The following DPYD variants were observed in gnomAD, a reference collection of about 807,000 sequenced individuals.
DPYD encodes dihydropyrimidine dehydrogenase, also known as dihydropyrimidine dehydrogenase [NADP(+)].
Under a neutral mutation model 116.2 loss-of-function variants are expected in DPYD, and 109 were observed. That is an observed-to-expected ratio of 0.94 (90% confidence interval 0.80 to 1.10). The LOEUF (loss-of-function observed/expected upper bound fraction) is 1.10, where lower values mean the gene tolerates loss of function less well. DPYD is among the 50% of genes least tolerant of loss of function. The probability of loss-of-function intolerance (pLI) is 0.00; values close to 1 mark genes in which losing one functional copy is unlikely to be tolerated. For synonymous variants in DPYD, 440 were observed against 432.0 expected, an observed-to-expected ratio of 1.02 and a Z score of -0.23; for missense variants, 1,302 against 1,254.5, an observed-to-expected ratio of 1.04 and a Z score of -0.57.
At chr1:97,883,124 T>G (rs1300694183) in intron 2 of DPYD, 140 bp downstream of exon 2, 2 of 602,978 alleles carry the variant, frequency 3.3e-6, no homozygotes, top group African/African-American at 3.7e-5. Flanking sequence ...TCAAACTTTT[T>G]CAAATATTAA....
At chr1:97,357,559 C>T (rs78154493) in intron 16 of DPYD, among the ~76,000 whole-genome samples, 71 of 152,238 alleles carry the variant, frequency 4.7e-4, no homozygotes, top group Middle Eastern at 3.4e-3. Context: ...AACAGACTTA[C>T]GGGATACAAA....
At chr1:97,264,602 C>T (rs1664111930) in intron 18 of DPYD, among the ~76,000 whole-genome samples, 1 of 152,088 alleles carries the variant, frequency 6.6e-6, no homozygotes, top group Non-Finnish European at 1.5e-5. Context: ...TCCCTAAATC[C>T]TATTTTAACT....
At chr1:97,571,878 T>C (rs1357681184) in intron 11 of DPYD, among the ~76,000 whole-genome samples, 1 of 151,952 alleles carries the variant, frequency 6.6e-6, no homozygotes, top group Non-Finnish European at 1.5e-5. Context: ...TGTGACTCCT[T>C]TATTTAATGT....
chr1:97,906,791 A>T (rs554021805), intron 1 of DPYD, among the ~76,000 whole-genome samples: 1 of 152,156 alleles, frequency 6.6e-6, no homozygotes, highest in East Asian at 1.9e-4. Flanking sequence ...TTCCTTCTTC[A>T]CAGCTTCAGG....
At chr1:97,397,969 A>G (rs769507833) in intron 14 of DPYD, among the ~76,000 whole-genome samples, 83 of 151,754 alleles carry the variant, frequency 5.5e-4, no homozygotes, top group Non-Finnish European at 9.3e-4. Context: ...ATTATACTTT[A>G]AGTTTTAGGA....
chr1:97,906,405 T>C (rs1673623151), intron 1 of DPYD, among the ~76,000 whole-genome samples: 1 of 152,066 alleles, frequency 6.6e-6, no homozygotes, highest in South Asian at 2.1e-4. Flanking sequence ...TAATTATTGG[T>C]GAAATTGCCT....
chr1:97,261,493 C>CTT lies in DPYD; in HGVS notation c.2300-26501_2300-26500dup, dbSNP rs1210765677. The stretch of plus-strand genomic sequence containing the variant: ...GAGAAAATGATAAAAGACTATGCAT[C>CTT]TTTTTTTTTTTTTTTTTTTTTTTAA... On this transcript the variant is annotated intron_variant, in intron 18 of 22. Coordinates refer to ENST00000370192, the MANE Select transcript of DPYD (RefSeq NM_000110.4). 6.0e-3 allele frequency among the ~76,000 whole-genome samples: 729 copies of CTT among 122,434 alleles called. 7 individuals are homozygous for CTT. Among genetic ancestry groups the CTT allele is most frequent in the African/African-American group, 0.02 (608 of 31,094 alleles). The allele number at this position is 122,434 out of a possible 152,430, so 80.3% of individuals were successfully genotyped here.
chr1:97,711,635 A>T (rs757299196), intron 5 of DPYD, among the ~76,000 whole-genome samples: 1 of 152,028 alleles, frequency 6.6e-6, no homozygotes, highest in Non-Finnish European at 1.5e-5. Flanking sequence ...GGCTCAGAAA[A>T]GTATAGATTT....
At chr1:97,663,699 A>C (rs929634147) in intron 8 of DPYD, among the ~76,000 whole-genome samples, 5 of 152,160 alleles carry the variant, frequency 3.3e-5, no homozygotes, top group Non-Finnish European at 7.4e-5. Context: ...ATAACTAAAC[A>C]CATTTGCATT....
At chr1:97,752,611 T>C (rs1664994603) in intron 3 of DPYD, among the ~76,000 whole-genome samples, 1 of 152,178 alleles carries the variant, frequency 6.6e-6, no homozygotes, top group Non-Finnish European at 1.5e-5. Context: ...TGCTCATAGT[T>C]CCATGTGTAG....
intron 20 of DPYD, among the ~76,000 whole-genome samples, chr1:97,161,895 A>G (rs978103831): frequency 2.6e-5 from 4 of 152,056 alleles, no homozygotes; most frequent in African/African-American, 9.7e-5. Flanking sequence ...TACAAAGGAC[A>G]TGAACTCACC....
intron 3 of DPYD, among the ~76,000 whole-genome samples, chr1:97,820,574 G>A (rs928447387): frequency 3.3e-5 from 5 of 152,124 alleles, no homozygotes; most frequent in African/African-American, 7.2e-5. Flanking sequence ...TGTTTATGAT[G>A]CACCTACAAA....
chr1:97,509,142 T>C (rs1427002074), intron 13 of DPYD, among the ~76,000 whole-genome samples: 1 of 152,002 alleles, frequency 6.6e-6, no homozygotes, highest in Non-Finnish European at 1.5e-5. Flanking sequence ...TCAACCCAGC[T>C]GAGCCTTGGC....
intron 14 of DPYD, among the ~76,000 whole-genome samples, chr1:97,413,588 C>A (rs1364208845): frequency 6.6e-6 from 1 of 152,024 alleles, no homozygotes; most frequent in East Asian, 1.9e-4. Flanking sequence ...TTCAGCCTCC[C>A]AAGTAGCTGG....
chr1:97,627,913 G>A (rs2100786209), intron 8 of DPYD, among the ~76,000 whole-genome samples: 1 of 152,056 alleles, frequency 6.6e-6, no homozygotes, highest in East Asian at 1.9e-4. Flanking sequence ...AGGGCCTTTT[G>A]AGCCATGCTA....
intron 16 of DPYD, among the ~76,000 whole-genome samples, chr1:97,349,055 T>C (rs1669998464): frequency 6.6e-6 from 1 of 152,200 alleles, no homozygotes; most frequent in Non-Finnish European, 1.5e-5. Context: ...TACAGTCCTG[T>C]AGTACAGAAA....
intron 14 of DPYD, among the ~76,000 whole-genome samples, chr1:97,439,199 A>G (rs1199510176): frequency 6.6e-6 from 1 of 152,110 alleles, no homozygotes; most frequent in Non-Finnish European, 1.5e-5. Context: ...CTACTTTCAA[A>G]TATTAACCCT....
At chr1:97,874,337 C>T (rs1671799666) in intron 2 of DPYD, among the ~76,000 whole-genome samples, 1 of 151,926 alleles carries the variant, frequency 6.6e-6, no homozygotes. Context: ...GCTTTGTGTA[C>T]ATTAAACATA....
chr1:97,274,579 G>T (rs537715611), intron 18 of DPYD, among the ~76,000 whole-genome samples: 1 of 152,052 alleles, frequency 6.6e-6, no homozygotes, highest in Non-Finnish European at 1.5e-5. Context: ...ATAGCAAGGC[G>T]AAATGGACTA....
Sources: gnomAD v4.1 joint callset for allele counts (sites outside exome capture counted in the v4.1 genomes callset) on GRCh38, gnomAD v4.1.1 for gene constraint, MANE v1.5 for transcripts, NCBI Gene and HGNC (gene_info 2026-07-23, HGNC 2026-07-21) for gene names.